The following CEP70 variants were observed in gnomAD, a reference collection of about 807,000 sequenced individuals.
CEP70 encodes the protein centrosomal protein 70, also known as centrosomal protein of 70 kDa.
Under a neutral mutation model 90.9 loss-of-function variants are expected in CEP70, and 70 were observed. The observed-to-expected ratio is 0.77, with a 90% CI of 0.64 to 0.94. CEP70 has a LOEUF of 0.94. Among genes scored for constraint, CEP70 ranks in the 40% least tolerant of loss-of-function variants. The pLI is 0.00. For synonymous variants in CEP70, 220 were observed against 228.3 expected, an observed-to-expected ratio of 0.96 and a Z score of 0.33; for missense variants, 648 against 669.0, an observed-to-expected ratio of 0.97 and a Z score of 0.35.
At chr3:138,509,028 C>T (rs769417074) in intron 11 of CEP70, among the ~76,000 whole-genome samples, 11 of 152,100 alleles carry the variant, frequency 7.2e-5, no homozygotes, top group South Asian at 2.1e-4. Flanking sequence ...CCACCGTGCC[C>T]GGCCAGAGTT....
At chr3:138,529,023 G>A (rs1291508033) in intron 10 of CEP70, among the ~76,000 whole-genome samples, 176 bp downstream of exon 10, 2 of 151,966 alleles carry the variant, frequency 1.3e-5, no homozygotes, top group Non-Finnish European at 2.9e-5. Flanking sequence ...AAAATTAGCT[G>A]GGTGTGGTGG....
At chr3:138,550,825 GA>G (rs2039561768) in intron 6 of CEP70, among the ~76,000 whole-genome samples, 1 of 152,142 alleles carries the variant, frequency 6.6e-6, no homozygotes. Context: ...CAATGACAAA[GA>G]AAAAGAATAA....
chr3:138,499,982 G>A (rs2034337930), intron 16 of CEP70, 128 bp downstream of exon 16: 1 of 694,608 alleles, frequency 1.4e-6, no homozygotes, highest in South Asian at 1.7e-5. Flanking sequence ...GCCTTGCTCA[G>A]ACTGGACTTA....
intron 6 of CEP70, among the ~76,000 whole-genome samples, chr3:138,540,290 T>C (rs543556865): frequency 2.7e-5 from 4 of 150,912 alleles, no homozygotes; most frequent in African/African-American, 9.7e-5. Flanking sequence ...AGGCCAGGAG[T>C]TCGAGACCAG....
chr3:138,570,477 T>C lies in CEP70; in HGVS notation c.306A>G (p.Gln102=). The C allele has an allele frequency of 6.2e-7, 1 of 1,606,488 alleles. No homozygotes were observed. The highest frequency in any genetic ancestry group is 1.7e-5 in the Admixed American group (1 of 58,118). The change falls in exon 6 of 18, where the codon CAA becomes CAG. Residue 102 remains glutamine (Q), a synonymous_variant. Transcript: ENST00000264982. ...GTTGTTCTTGATTGGCTGCTCGGCT[T>C]TGCTCTAGCTGAAGTTCATTTCTAA... is the stretch of plus-strand genomic sequence containing the variant. The part of the protein sequence containing the change: ...QQLRNELQLE[Q]SRAANQEQRA...
intron 12 of CEP70, among the ~76,000 whole-genome samples, chr3:138,507,819 C>T (rs1342668486): frequency 1.3e-5 from 2 of 151,896 alleles, no homozygotes; most frequent in Non-Finnish European, 2.9e-5. Context: ...GATCTTCTGA[C>T]TTTTTAGGAG....
At chr3:138,591,733 A>T in intron 2 of CEP70, 121 bp downstream of exon 2, 1 of 828,874 alleles carries the variant, frequency 1.2e-6, no homozygotes, top group Non-Finnish European at 1.9e-6. Context: ...TATCTACCTG[A>T]TAGGATTATC....
intron 2 of CEP70, among the ~76,000 whole-genome samples, chr3:138,575,988 T>A (rs1412129034): frequency 6.6e-6 from 1 of 152,190 alleles, no homozygotes; most frequent in Non-Finnish European, 1.5e-5. Context: ...TACCAGCCAC[T>A]GCAAAAACAT....
intron 6 of CEP70, among the ~76,000 whole-genome samples, chr3:138,546,068 C>T (rs1395936710): frequency 6.6e-6 from 1 of 152,058 alleles, no homozygotes; most frequent in Non-Finnish European, 1.5e-5. Flanking sequence ...GTTCATACAC[C>T]CCCTCCCCTT....
chr3:138,529,307 AAAAT>A lies in CEP70; in HGVS notation c.781-24_781-21del, dbSNP rs1435730503. On this transcript the variant is annotated intron_variant, in intron 9 of 17. Transcript: ENST00000264982. The stretch of plus-strand genomic sequence containing the variant: ...TAATGACTGCAACACATTTCATAGA[AAAAT>A]AATTAACTTTCTTAGATTACTTAGT... The A allele has an allele frequency of 4.4e-6, 7 of 1,577,374 alleles. No individual in the cohort carries two copies.
intron 6 of CEP70, among the ~76,000 whole-genome samples, chr3:138,544,909 T>A (rs1215404801): frequency 6.6e-6 from 1 of 151,540 alleles, no homozygotes; most frequent in Non-Finnish European, 1.5e-5. Flanking sequence ...CTACAAAAAG[T>A]AGGAGGGAAG....
At chr3:138,501,655 T>G (rs2034520493) in intron 13 of CEP70, among the ~76,000 whole-genome samples, 1 of 152,212 alleles carries the variant, frequency 6.6e-6, no homozygotes, top group African/African-American at 2.4e-5. Context: ...CCTAAATGTA[T>G]TCTACATTAT....
At chr3:138,534,372 A>G (rs1366388851) in intron 7 of CEP70, among the ~76,000 whole-genome samples, 4 of 152,164 alleles carry the variant, frequency 2.6e-5, no homozygotes, top group Non-Finnish European at 4.4e-5. Context: ...CATTATCCTG[A>G]AAATATGCTT....
chr3:138,525,639 A>G (rs1177060060), intron 10 of CEP70, 75 bp from the exon 11 acceptor site: 16 of 645,916 alleles, frequency 2.5e-5, no homozygotes, highest in Non-Finnish European at 3.6e-5. Flanking sequence ...TATTAACGAC[A>G]TACAAAACTT....
intron 2 of CEP70, among the ~76,000 whole-genome samples, chr3:138,578,577 G>C (rs1046943539): frequency 6.6e-6 from 1 of 151,326 alleles, no homozygotes; most frequent in Admixed American, 6.6e-5. Flanking sequence ...AGCAAGATAG[G>C]GATAAGAGAG....
chr3:138,497,245 ATTC>A (rs2034014582), intron 17 of CEP70: 2 of 1,259,318 alleles, frequency 1.6e-6, no homozygotes, highest in Non-Finnish European at 2.0e-6. Flanking sequence ...TCTTTCACTT[ATTC>A]TTCTTATCAA....
Position 138,536,540 on chromosome 3 carries a change from G to C in CEP70, c.635+638C>G, listed in dbSNP as rs146261437. ...CATAGTGGAATATATTAATATCAAA[G>C]AAAGCTGCCCAGAAATTTAAATCTC... is the stretch of plus-strand genomic sequence containing the variant. On this transcript the variant is annotated intron_variant, in intron 7 of 17. Coordinates refer to ENST00000264982, the MANE Select transcript of CEP70 (RefSeq NM_024491.4). 5.6e-3 allele frequency among the ~76,000 whole-genome samples: 850 copies of C among 151,966 alleles called. 6 individuals carry two copies. Among genetic ancestry groups the C allele is most frequent in the African/African-American group, 0.02 (819 of 41,484 alleles).
intron 2 of CEP70, among the ~76,000 whole-genome samples, chr3:138,576,789 T>C (rs1019014442): frequency 1.3e-5 from 2 of 152,176 alleles, no homozygotes; most frequent in African/African-American, 4.8e-5. Flanking sequence ...GAACTCAGGA[T>C]TAAGAAACTC....
chr3:138,494,992 A>AT lies in CEP70; in HGVS notation c.*22_*23insA. Reference sequence around the variant, plus strand: ...AAAATGTTAAGAATACAATTTACACAGTAAAAATGATTTGATTTGTTTTCA... The same window carrying AT: ...AAAATGTTAAGAATACAATTTACACATGTAAAAATGATTTGATTTGTTTTCA... On this transcript the variant is annotated 3_prime_UTR_variant, in exon 18 of 18. Coordinates refer to ENST00000264982, the MANE Select transcript of CEP70 (RefSeq NM_024491.4). The AT allele has an allele frequency of 8.1e-7, 1 of 1,229,974 alleles. No homozygotes were observed. The highest frequency in any genetic ancestry group is 1.3e-5 in the South Asian group (1 of 79,090). The allele number at this position is 1,229,974 out of a possible 1,614,324, so 76.2% of individuals were successfully genotyped here.
Sources: gnomAD v4.1 joint callset for allele counts (sites outside exome capture counted in the v4.1 genomes callset) on GRCh38, gnomAD v4.1.1 for gene constraint, MANE v1.5 for transcripts, NCBI Gene and HGNC (gene_info 2026-07-23, HGNC 2026-07-21) for gene names.